Variants in CENPE observed in about 807,000 individuals in gnomAD.
The protein encoded by CENPE is centromere protein E.
In CENPE, 145 loss-of-function variants were observed where a neutral mutation model predicts 336.1. That is an observed-to-expected ratio of 0.43 (90% CI 0.38 to 0.50). The LOEUF is 0.50. Ranked by LOEUF, CENPE falls within the 20% of genes least tolerant of loss-of-function variation. The pLI, the probability that CENPE is intolerant of heterozygous loss-of-function variation, is 0.00. For synonymous variants in CENPE, 1,013 were observed against 984.8 expected, an observed-to-expected ratio of 1.03 and a Z score of -0.54; for missense variants, 2,719 against 3,023.3, an observed-to-expected ratio of 0.90 and a Z score of 2.36.
At chr4:103,154,079 T>C (rs1410835413) in intron 24 of CENPE, among the ~76,000 whole-genome samples, 3 of 152,116 alleles carry the variant, frequency 2.0e-5, no homozygotes, top group South Asian at 4.1e-4. Flanking sequence ...CTGGTACAAA[T>C]TTAGGGTATT....
chr4:103,135,737 C>A (rs1320678062), intron 40 of CENPE, among the ~76,000 whole-genome samples: 1 of 149,434 alleles, frequency 6.7e-6, no homozygotes, highest in African/African-American at 2.5e-5. Context: ...AAACAATAGT[C>A]TAATGATTCC....
At chr4:103,155,920 G>A (rs1029162358) in intron 24 of CENPE, among the ~76,000 whole-genome samples, 3 of 152,114 alleles carry the variant, frequency 2.0e-5, no homozygotes, top group African/African-American at 7.2e-5. Context: ...ATGCATGACT[G>A]TACAAACATC....
intron 13 of CENPE, among the ~76,000 whole-genome samples, chr4:103,177,568 G>A (rs1422571247): frequency 6.6e-6 from 1 of 151,930 alleles, no homozygotes; most frequent in African/African-American, 2.4e-5. Flanking sequence ...CTTGTATCGA[G>A]TATCAACCTT....
chr4:103,139,904 C>A lies in CENPE; in HGVS notation c.6089G>T (p.Ser2030Ile). 1 of 1,613,358 alleles carries A rather than the reference C, an allele frequency of 6.2e-7. No homozygotes were observed. The highest frequency in any genetic ancestry group is 8.5e-7 in the Non-Finnish European group (1 of 1,179,610). The part of the protein sequence containing the change: ...NFQLTKKLHE[S>I]LEEIRIVAKE... ...AGCTACAATTCTTATTTCTTCAAGGCTTTCATGAAGTTTCTTAGTCAACTG... is the reference window on the plus strand; with the variant it reads ...AGCTACAATTCTTATTTCTTCAAGGATTTCATGAAGTTTCTTAGTCAACTG... Residue 2030 changes from serine (S) to isoleucine (I), a missense_variant, in exon 38 of 49, where the codon AGC becomes ATC. Physicochemically the swap from Ser to Ile is moderately radical, Grantham distance 142. Transcript: ENST00000265148.
intron 8 of CENPE, among the ~76,000 whole-genome samples, chr4:103,192,913 GT>G (rs953409623): frequency 1.1e-3 from 165 of 144,128 alleles, no homozygotes; most frequent in African/African-American, 2.0e-3. Context: ...ATACCTCCAA[GT>G]TTTTTTTTTT....
At chr4:103,187,251 T>A (rs1204508295) in intron 8 of CENPE, among the ~76,000 whole-genome samples, 1 of 152,222 alleles carries the variant, frequency 6.6e-6, no homozygotes, top group African/African-American at 2.4e-5. Flanking sequence ...CCATATTTCT[T>A]GGAGGTTTGT....
At chr4:103,129,634 G>A (rs139837095) in intron 42 of CENPE, among the ~76,000 whole-genome samples, 3 of 152,220 alleles carry the variant, frequency 2.0e-5, no homozygotes, top group African/African-American at 7.2e-5. Context: ...TGAGGCAGGA[G>A]AAGTGCTTGA....
At chr4:103,131,190 C>T (rs777106989) in intron 42 of CENPE, among the ~76,000 whole-genome samples, 4 of 152,102 alleles carry the variant, frequency 2.6e-5, no homozygotes, top group Non-Finnish European at 5.9e-5. Flanking sequence ...TTCCAAGACA[C>T]ATCTGATAAA....
intron 2 of CENPE, 126 bp downstream of exon 2, chr4:103,196,633 C>A: frequency 1.6e-6 from 1 of 611,046 alleles, no homozygotes; most frequent in South Asian, 2.1e-5. Flanking sequence ...ATTTTGTTTC[C>A]AGTGAAGCAG....
rs1335922764 is a variant in CENPE at position 103,159,158 on chromosome 4, T to C, written c.2453A>G (p.Glu818Gly). 1.2e-6 allele frequency: 2 copies of C among 1,610,884 alleles called. No individual in the cohort carries two copies. Among genetic ancestry groups the C allele is most frequent in the South Asian group, 2.2e-5 (2 of 90,406 alleles). Reference sequence around the variant, plus strand: ...ATGAAGGGTTTTGAAATTTTGGAATTCTTGATCAGTGCTTTTATAATTCGA... The same window carrying C: ...ATGAAGGGTTTTGAAATTTTGGAATCCTTGATCAGTGCTTTTATAATTCGA... ...TQSNYKSTDQEFQNFKTLHMD... is the reference protein window; with the variant it reads ...TQSNYKSTDQGFQNFKTLHMD... The change falls in exon 22 of 49, where the codon GAA becomes GGA. Residue 818 changes from glutamate to glycine, a missense_variant. By Grantham distance (98) the Glu-to-Gly change is moderately conservative. Coordinates refer to ENST00000265148, the MANE Select transcript of CENPE (RefSeq NM_001813.3).
rs1295768689 is a variant in CENPE, at chr4:103,160,521, C to G, written c.2286+104G>C. 33 of 922,030 alleles carry G rather than the reference C, an allele frequency of 3.6e-5. No individual in the cohort carries two copies. In the South Asian group the frequency reaches 5.9e-4, roughly 16 times the overall value. The allele number at this position is 922,030 out of a possible 1,614,324, so 57.1% of individuals were successfully genotyped here. A position where few individuals can be genotyped will look rare whatever the true frequency, so the allele number is the denominator to read the frequency against. ...TAGTCAAAACGTTTACAGTATCTCT[C>G]TTGTCTGCTAGTTTAAAATAAACTA... On this transcript the variant is annotated intron_variant, in intron 21 of 48. Coordinates refer to ENST00000265148, the MANE Select transcript of CENPE (RefSeq NM_001813.3).
rs1002198047 is a variant in CENPE, at chr4:103,163,083, T to C, written c.1842+54A>G. ...CCAGTATAAGCATTTGCTAAGATGA[T>C]GGTATGCTATATATATTTATGTGAT... On this transcript the variant is annotated intron_variant, in intron 18 of 48. Coordinates refer to ENST00000265148, the MANE Select transcript of CENPE (RefSeq NM_001813.3). 23 of 1,472,020 alleles carry C rather than the reference T, an allele frequency of 1.6e-5. No individual in the cohort carries two copies. The African/African-American group carries it at 2.7e-4, about 17-fold the overall frequency. The allele number at this position is 1,472,020 out of a possible 1,614,324, so 91.2% of individuals were successfully genotyped here. A position where few individuals can be genotyped will look rare whatever the true frequency, so the allele number is the denominator to read the frequency against.
Position 103,141,063 on chromosome 4 carries a change from T to A in CENPE, c.5505A>T (p.Leu1835Phe). Residue 1835 changes from leucine (L) to phenylalanine (F), a missense_variant, in exon 36 of 49, where the codon TTA becomes TTT. Leu to Phe is a conservative substitution (Grantham distance 22). This residue lies in a region of CENPE where 2,437 missense variants were observed against 2,513.3 expected (regional missense o/e 0.97). Coordinates refer to ENST00000265148, the MANE Select transcript of CENPE (RefSeq NM_001813.3). ...TCTGTGTCTCATTGACATCTTTTTT[T>A]AACGTAATAAGTTGATGTTCATTTG... is the stretch of plus-strand genomic sequence containing the variant. ...LKANEHQLIT[L>F]KKDVNETQKK... 6.3e-7 allele frequency: 1 copy of A among 1,587,724 alleles called. No individual in the cohort carries two copies. Among genetic ancestry groups the A allele is most frequent in the Non-Finnish European group, 8.6e-7 (1 of 1,164,752 alleles).
chr4:103,144,553 C>A lies in CENPE; in HGVS notation c.4923G>T (p.Glu1641Asp). Reference protein sequence around the residue: ...LKMTAVNETQEKMCEIEHLKE... With the variant: ...LKMTAVNETQDKMCEIEHLKE... ...TCAAGTGTTCTATTTCACACATTTT[C>A]TCCTGAGTCTCATTGACAGCTGTCA... is the stretch of plus-strand genomic sequence containing the variant. Residue 1641 changes from glutamate (E) to aspartate (D), a missense_variant, in exon 33 of 49, where the codon GAG becomes GAT. Glu to Asp is a conservative substitution (Grantham distance 45). Coordinates refer to ENST00000265148, the MANE Select transcript of CENPE (RefSeq NM_001813.3). 2 of 1,613,202 alleles carry A rather than the reference C, an allele frequency of 1.2e-6. No homozygotes were observed. Among genetic ancestry groups the A allele is most frequent in the Non-Finnish European group, 1.7e-6 (2 of 1,179,328 alleles).
chr4:103,196,630 T>C lies in CENPE; in HGVS notation c.148+129A>G, dbSNP rs1312814502. ...ATACATGATGGATAAACAATTTTGTTTCCAGTGAAGCAGTTTATAGAAGGC... is the reference window on the plus strand; with the variant it reads ...ATACATGATGGATAAACAATTTTGTCTCCAGTGAAGCAGTTTATAGAAGGC... On this transcript the variant is annotated intron_variant, in intron 2 of 48. Coordinates refer to ENST00000265148, the MANE Select transcript of CENPE (RefSeq NM_001813.3). 3 of 612,314 alleles carry C rather than the reference T, an allele frequency of 4.9e-6. No individual in the cohort carries two copies. In the African/African-American group the frequency reaches 5.6e-5, roughly 11 times the overall value. 37.9% of individuals were successfully genotyped at this position (612,314 alleles called of 1,614,324 possible).
chr4:103,191,372 A>G lies in CENPE; in HGVS notation c.693+2857T>C, dbSNP rs184156337. On this transcript the variant is annotated intron_variant, in intron 8 of 48. Transcript: ENST00000265148. ...ACGTATATTTATTGTAGCACTATTC[A>G]CAATAGCAAAGACTTGGAACCAACC... Among the ~76,000 whole-genome samples, 679 of 152,348 alleles carry G rather than the reference A, an allele frequency of 4.5e-3. 3 individuals are homozygous for G. The highest frequency in any genetic ancestry group is 0.031 in the Middle Eastern group (9 of 294).
At chr4:103,128,389 T>C (rs568845624) in intron 42 of CENPE, among the ~76,000 whole-genome samples, 254 of 152,250 alleles carry the variant, frequency 1.7e-3, no homozygotes, top group African/African-American at 5.9e-3. Flanking sequence ...AAGGACATGG[T>C]TGAATTTAAC....
At chr4:103,191,718 A>G (rs1026843623) in intron 8 of CENPE, among the ~76,000 whole-genome samples, 1 of 152,118 alleles carries the variant, frequency 6.6e-6, no homozygotes, top group Non-Finnish European at 1.5e-5. Flanking sequence ...TGGGTGCAGT[A>G]TACCAACATG....
chr4:103,140,058 C>T lies in CENPE; in HGVS notation c.5935G>A (p.Glu1979Lys). Residue 1979 changes from glutamate (E) to lysine (K), a missense_variant, in exon 38 of 49, where the codon GAA becomes AAA. Physicochemically the swap from Glu to Lys is moderately conservative, Grantham distance 56. Around this residue, in one of 5 missense-constraint regions of CENPE, gnomAD observed 2,437 missense variants for 2,513.3 expected, o/e 0.97. Coordinates refer to ENST00000265148, the MANE Select transcript of CENPE (RefSeq NM_001813.3). ...TCTTTCACTCTAAGCAGTTGAAGTT[C>T]TTTTTTCTGAAGTTCTTGGATCTTG... Reference protein sequence around the residue: ...QKKIQELQKKELQLLRVKEDV... With the variant: ...QKKIQELQKKKLQLLRVKEDV... The T allele has an allele frequency of 6.2e-7, 1 of 1,602,848 alleles. No individual in the cohort carries two copies. Among genetic ancestry groups the T allele is most frequent in the Non-Finnish European group, 8.5e-7 (1 of 1,176,362 alleles).
Sources: allele counts gnomAD v4.1 joint callset (sites outside exome capture counted in the v4.1 genomes callset), GRCh38; gene constraint gnomAD v4.1.1; regional missense constraint gnomAD v4.1.1; transcripts MANE v1.5; gene names NCBI Gene and HGNC (gene_info 2026-07-23, HGNC 2026-07-21).